The following SYNE2 variants were observed in gnomAD, a reference collection of about 807,000 sequenced individuals.
SYNE2 encodes spectrin repeat containing nuclear envelope protein 2, also known as nesprin-2.
A neutral mutation model predicts 856.3 loss-of-function variants in SYNE2; 431 were observed. The ratio of observed to expected loss-of-function variants is 0.50; its 90% CI spans 0.47 to 0.55. SYNE2 has a LOEUF of 0.55. Ranked by LOEUF, SYNE2 falls within the 20% of genes least tolerant of loss-of-function variation. SYNE2 has a pLI of 0.00. For synonymous variants in SYNE2, 2,923 were observed against 2,872.3 expected, an observed-to-expected ratio of 1.02 and a Z score of -0.56; for missense variants, 8,129 against 8,023.2, an observed-to-expected ratio of 1.01 and a Z score of -0.50.
At chr14:63,865,014 C>T (rs1245155600) in intron 1 of SYNE2, among the ~76,000 whole-genome samples, 1 of 149,794 alleles carries the variant, frequency 6.7e-6, no homozygotes, top group Non-Finnish European at 1.5e-5. Flanking sequence ...TTGCCATATA[C>T]TAGAGGTGTT....
rs189925295 is a variant in SYNE2, at chr14:64,064,182, T to C, written c.10213-1250T>C. On this transcript the variant is annotated intron_variant, in intron 50 of 115. Coordinates refer to ENST00000555002, the MANE Select transcript of SYNE2 (RefSeq NM_182914.3). ...ATGAAATGAAATGATATAGCCATGG[T>C]GAGGTAGCGTTGGGCTACTATTCAT... Among the ~76,000 whole-genome samples, 6 of 152,282 alleles carry C rather than the reference T, an allele frequency of 3.9e-5. No homozygotes were observed. The East Asian group carries it at 1.2e-3, about 29-fold the overall frequency.
At chr14:64,173,979 G>A (rs752596166) in intron 94 of SYNE2, 23 of 682,464 alleles carry the variant, frequency 3.4e-5, no homozygotes, top group Non-Finnish European at 5.8e-5. Context: ...CCTGCGGAGC[G>A]GCCCTGCTCT....
At chr14:64,041,697 T>A (rs2097149545) in intron 45 of SYNE2, among the ~76,000 whole-genome samples, 1 of 151,630 alleles carries the variant, frequency 6.6e-6, no homozygotes, top group African/African-American at 2.4e-5. Context: ...AAAAATTTTT[T>A]AAATTAGTTG....
intron 71 of SYNE2, 67 bp downstream of exon 71, chr14:64,125,277 G>A: frequency 6.2e-7 from 1 of 1,603,224 alleles, no homozygotes; most frequent in African/African-American, 1.3e-5. Flanking sequence ...TCATCATTGT[G>A]ACTTGGTCAT....
At chr14:64,128,607 C>A in intron 74 of SYNE2, 54 bp downstream of exon 74, 2 of 1,094,408 alleles carry the variant, frequency 1.8e-6, no homozygotes, top group Non-Finnish European at 2.8e-6. Flanking sequence ...CAGAGCTTTG[C>A]ATATAAGCCG....
intron 68 of SYNE2, among the ~76,000 whole-genome samples, chr14:64,121,736 T>C (rs1019221242): frequency 2.6e-5 from 4 of 152,236 alleles, no homozygotes; most frequent in Admixed American, 1.3e-4. Context: ...GGTGAACTTC[T>C]GTAGTTGCGA....
intron 93 of SYNE2, among the ~76,000 whole-genome samples, chr14:64,169,862 G>A (rs1425578015): frequency 2.6e-5 from 4 of 152,196 alleles, no homozygotes; most frequent in Admixed American, 2.6e-4. Flanking sequence ...GTACACTCAA[G>A]TAATCCATAG....
At chr14:63,797,640 C>T (rs764486635) in intron 1 of SYNE2, among the ~76,000 whole-genome samples, 8 of 152,168 alleles carry the variant, frequency 5.3e-5, no homozygotes, top group Non-Finnish European at 8.8e-5. Context: ...CGGGGTTTCG[C>T]CATGTTGGCC....
intron 2 of SYNE2, among the ~76,000 whole-genome samples, chr14:63,923,312 G>C (rs10873172): frequency 0.68 from 103,681 of 152,054 alleles, 35,646 homozygotes; most frequent in South Asian, 0.78. Context: ...GTATAAGACT[G>C]TCAGGTGTTT....
intron 67 of SYNE2, among the ~76,000 whole-genome samples, chr14:64,120,167 T>G (rs1455029818): frequency 6.7e-6 from 1 of 148,248 alleles, no homozygotes; most frequent in Non-Finnish European, 1.5e-5. Flanking sequence ...TTATGAGTGG[T>G]TCCTACTTAG....
chr14:63,948,672 A>AC (rs2096075307), intron 6 of SYNE2, among the ~76,000 whole-genome samples: 1 of 144,536 alleles, frequency 6.9e-6, no homozygotes, highest in South Asian at 2.2e-4. Flanking sequence ...AAAAAAAAAA[A>AC]ATTATATATA....
At chr14:64,037,620 A>G (rs1243054708) in intron 45 of SYNE2, among the ~76,000 whole-genome samples, 2 of 151,434 alleles carry the variant, frequency 1.3e-5, no homozygotes, top group East Asian at 2.0e-4. Context: ...CATTGTCATC[A>G]TGGCCCGTTC....
chr14:64,223,507 TGTC>T, intron 113 of SYNE2, 127 bp downstream of exon 113: 2 of 959,416 alleles, frequency 2.1e-6, no homozygotes, highest in Non-Finnish European at 1.6e-6. Flanking sequence ...TGGGGCCTCA[TGTC>T]GTGCCCTTTT....
intron 1 of SYNE2, among the ~76,000 whole-genome samples, chr14:63,762,837 A>T (rs972432336): frequency 1.3e-5 from 2 of 152,188 alleles, no homozygotes; most frequent in Non-Finnish European, 2.9e-5. Flanking sequence ...AGAGAGAGAA[A>T]AAAAATGCAA....
chr14:64,078,386 C>T, intron 54 of SYNE2, 80 bp from the exon 55 acceptor site: 1 of 1,589,924 alleles, frequency 6.3e-7, no homozygotes, highest in Non-Finnish European at 8.6e-7. Context: ...AACAGAGTGA[C>T]TACCACTTTT....
At chr14:63,911,898 A>G (rs534744766) in intron 2 of SYNE2, among the ~76,000 whole-genome samples, 10 of 152,228 alleles carry the variant, frequency 6.6e-5, no homozygotes, top group African/African-American at 2.4e-4. Context: ...ATCGTAGGTT[A>G]TACAATCTGT....
At chr14:64,085,417 G>A (rs1595415109) in intron 57 of SYNE2, among the ~76,000 whole-genome samples, 2 of 152,154 alleles carry the variant, frequency 1.3e-5, no homozygotes. Flanking sequence ...GGAGGTAGGG[G>A]TCATTCAGGG....
At chr14:63,995,415 T>C (rs1339004509) in intron 23 of SYNE2, among the ~76,000 whole-genome samples, 1 of 152,214 alleles carries the variant, frequency 6.6e-6, no homozygotes, top group African/African-American at 2.4e-5. Context: ...GTTAATATTT[T>C]ATGATTTCCC....
intron 1 of SYNE2, among the ~76,000 whole-genome samples, chr14:63,797,323 G>T (rs901934861): frequency 6.6e-5 from 10 of 151,638 alleles, no homozygotes; most frequent in Admixed American, 1.3e-4. Flanking sequence ...CCCAGGAGGC[G>T]GAGGTTGCAG....
Sources: gnomAD v4.1 joint callset for allele counts (sites outside exome capture counted in the v4.1 genomes callset) on GRCh38, gnomAD v4.1.1 for gene constraint, MANE v1.5 for transcripts, NCBI Gene and HGNC (gene_info 2026-07-23, HGNC 2026-07-21) for gene names.